The following PPP4R3B variants were observed in gnomAD, a reference collection of about 807,000 sequenced individuals.
The protein encoded by PPP4R3B is serine/threonine-protein phosphatase 4 regulatory subunit 3B.
Under a neutral mutation model 95.4 loss-of-function variants are expected in PPP4R3B, and 52 were observed. The observed-to-expected ratio is 0.54, with a 90% CI of 0.44 to 0.69. PPP4R3B has a LOEUF of 0.69. PPP4R3B is among the 30% of genes least tolerant of loss of function. The pLI, the probability that PPP4R3B is intolerant of heterozygous loss-of-function variation, is 0.00. For missense variants in PPP4R3B, 1,003 were observed against 1,005.9 expected, an observed-to-expected ratio of 1.00 and a Z score of 0.04; for synonymous variants, 407 against 343.9, an observed-to-expected ratio of 1.18 and a Z score of -2.03.
intron 16 of PPP4R3B, among the ~76,000 whole-genome samples, chr2:55,554,451 G>GACT (rs1346621417): frequency 3.3e-5 from 5 of 152,198 alleles, no homozygotes; most frequent in African/African-American, 7.2e-5. Flanking sequence ...AGCTATCCTA[G>GACT]AGGATGTGAA....
At position 55,586,752 on chromosome 2, in the gene PPP4R3B, T is replaced by G; in HGVS notation, c.1000-18A>C. The G allele has an allele frequency of 6.9e-7, 1 of 1,454,584 alleles. No individual in the cohort carries two copies. Among genetic ancestry groups the G allele is most frequent in the Non-Finnish European group, 9.6e-7 (1 of 1,044,842 alleles). The allele number at this position is 1,454,584 out of a possible 1,614,324, so 90.1% of individuals were successfully genotyped here. Reference sequence around the variant, plus strand: ...AAATTAACCTGTAATGTCAGAAATTTTAGTGAGACATTGATAAACATAAAC... The same window carrying G: ...AAATTAACCTGTAATGTCAGAAATTGTAGTGAGACATTGATAAACATAAAC... On this transcript the variant is annotated intron_variant, in intron 5 of 16. Coordinates refer to ENST00000616407, the MANE Select transcript of PPP4R3B (RefSeq NM_001122964.3).
At chr2:55,560,778 GAAAAAAAAAAAAA>G (rs545517387) in intron 15 of PPP4R3B, among the ~76,000 whole-genome samples, 3 of 91,418 alleles carry the variant, frequency 3.3e-5, no homozygotes, top group East Asian at 6.6e-4. Context: ...CTCCATCTCA[GAAAAAAAAAAAAA>G]AAAAAAAAAA....
chr2:55,591,140 T>A (rs1409568048), intron 4 of PPP4R3B, among the ~76,000 whole-genome samples: 1 of 152,030 alleles, frequency 6.6e-6, no homozygotes, highest in African/African-American at 2.4e-5. Context: ...CAAGTTAGTT[T>A]TTCCTTTTTT....
intron 5 of PPP4R3B, among the ~76,000 whole-genome samples, chr2:55,588,619 T>C (rs551048065): frequency 3.9e-5 from 6 of 152,096 alleles, no homozygotes; most frequent in Admixed American, 3.9e-4. Context: ...AAGGCACTTA[T>C]CTGATTTGGG....
chr2:55,615,255 A>G (rs2103932414), intron 2 of PPP4R3B, 196 bp downstream of exon 2: 3 of 537,676 alleles, frequency 5.6e-6, no homozygotes, highest in South Asian at 2.2e-5. Context: ...CAGTGGCTCA[A>G]TCCAAAAATG....
At chr2:55,593,818 C>T (rs1574845807) in intron 4 of PPP4R3B, among the ~76,000 whole-genome samples, 1 of 151,976 alleles carries the variant, frequency 6.6e-6, no homozygotes, top group Non-Finnish European at 1.5e-5. Flanking sequence ...ACAATTCATA[C>T]CCAAAGGAAA....
At chr2:55,555,464 A>G (rs893516144) in intron 16 of PPP4R3B, among the ~76,000 whole-genome samples, 7 of 151,976 alleles carry the variant, frequency 4.6e-5, no homozygotes, top group African/African-American at 1.7e-4. Flanking sequence ...CCTATGAAAA[A>G]GCCCTTTGGG....
intron 15 of PPP4R3B, among the ~76,000 whole-genome samples, chr2:55,560,778 GAAAAAAAAAAAAAAAAAAA>G (rs545517387): frequency 3.3e-5 from 3 of 91,418 alleles, no homozygotes; most frequent in South Asian, 5.2e-4. Flanking sequence ...CTCCATCTCA[GAAAAAAAAAAAAAAAAAAA>G]AAAAAAAAAA....
At chr2:55,580,523 T>A (rs943781242) in intron 8 of PPP4R3B, among the ~76,000 whole-genome samples, 1 of 152,188 alleles carries the variant, frequency 6.6e-6, no homozygotes, top group Non-Finnish European at 1.5e-5. Context: ...GATAGCAACT[T>A]AACTACCTAA....
Position 55,586,658 on chromosome 2 carries a change from A to C in PPP4R3B, c.1076T>G (p.Leu359Trp). ...AGCAGGAAGAATTCCCAATTTTGCCAATGTTTTGAAAAATGCATCCCTGTT... is the reference window on the plus strand; with the variant it reads ...AGCAGGAAGAATTCCCAATTTTGCCCATGTTTTGAAAAATGCATCCCTGTT... ...PQNRDAFFKT[L>W]AKLGILPALE... The change falls in exon 6 of 17, where the codon TTG becomes TGG. Residue 359 changes from leucine (L) to tryptophan (W), a missense_variant. Physicochemically the swap from Leu to Trp is moderately conservative, Grantham distance 61. Around this residue, in one of 3 missense-constraint regions of PPP4R3B, gnomAD observed 695 missense variants for 686.2 expected, o/e 1.01. Coordinates refer to ENST00000616407, the MANE Select transcript of PPP4R3B (RefSeq NM_001122964.3). 6.2e-7 allele frequency: 1 copy of C among 1,610,146 alleles called. No individual in the cohort carries two copies. The highest frequency in any genetic ancestry group is 1.1e-5 in the South Asian group (1 of 89,988).
intron 16 of PPP4R3B, among the ~76,000 whole-genome samples, chr2:55,551,048 A>C (rs1685187272): frequency 6.6e-6 from 1 of 152,176 alleles, no homozygotes; most frequent in African/African-American, 2.4e-5. Flanking sequence ...TTTTATGTAA[A>C]AAAAAACAAA....
intron 4 of PPP4R3B, among the ~76,000 whole-genome samples, chr2:55,589,239 C>G (rs1287756176): frequency 1.3e-5 from 2 of 152,212 alleles, no homozygotes; most frequent in East Asian, 3.8e-4. Context: ...TGAAAACTCA[C>G]TTAACTTAGA....
Position 55,598,519 on chromosome 2 carries a change from T to C in PPP4R3B, c.818A>G (p.Gln273Arg). ...AGATGGTGTGGGCAAAATGATGTCC[T>C]GAATGTACTGTACCCTGTAAGTCTG... ...IHQTYRVQYIQDIILPTPSVF... is the reference protein window; with the variant it reads ...IHQTYRVQYIRDIILPTPSVF... Residue 273 changes from glutamine (Q) to arginine (R), a missense_variant, in exon 4 of 17, where the codon CAG becomes CGG. By Grantham distance (43) the Gln-to-Arg change is conservative (BLOSUM62 1). Transcript: ENST00000616407. 1.2e-6 allele frequency: 2 copies of C among 1,614,200 alleles called. No individual in the cohort carries two copies. Among genetic ancestry groups the C allele is most frequent in the Non-Finnish European group, 1.7e-6 (2 of 1,180,034 alleles).
At chr2:55,603,841 A>C (rs1693010427) in intron 3 of PPP4R3B, 137 bp downstream of exon 3, 1 of 530,114 alleles carries the variant, frequency 1.9e-6, no homozygotes, top group Admixed American at 3.9e-5. Context: ...GTAGAATATA[A>C]AAAATTTCAA....
chr2:55,555,294 A>G (rs1160793801), intron 16 of PPP4R3B, among the ~76,000 whole-genome samples: 58 of 150,944 alleles, frequency 3.8e-4, no homozygotes, highest in African/African-American at 8.7e-4. Flanking sequence ...AAAAAAAAAA[A>G]AAAGAAAGAA....
In PPP4R3B at chr2:55,617,412, T is replaced by A; in HGVS notation, c.-127A>T. The A allele has an allele frequency of 8.8e-7, 1 of 1,139,096 alleles. No individual in the cohort carries two copies. The highest frequency in any genetic ancestry group is 1.2e-6 in the Non-Finnish European group (1 of 852,724). 70.6% of individuals were successfully genotyped at this position (1,139,096 alleles called of 1,614,324 possible). A position where few individuals can be genotyped will look rare whatever the true frequency, so the allele number is the denominator to read the frequency against. On this transcript the variant is annotated 5_prime_UTR_variant, in exon 1 of 17. Transcript: ENST00000616407. Reference sequence around the variant, plus strand: ...GGCGGCGGCTTCGGAGAGGCCCGAATTCACCATGGCTCCAAAGGTTCAGCC... The same window carrying A: ...GGCGGCGGCTTCGGAGAGGCCCGAAATCACCATGGCTCCAAAGGTTCAGCC...
intron 2 of PPP4R3B, among the ~76,000 whole-genome samples, chr2:55,608,924 G>A (rs1693782999): frequency 6.6e-6 from 1 of 152,094 alleles, no homozygotes; most frequent in African/African-American, 2.4e-5. Flanking sequence ...AAGGCTGCGT[G>A]AGACTTAATC....
intron 11 of PPP4R3B, 114 bp from the exon 12 acceptor site, chr2:55,573,891 T>A: frequency 1.4e-6 from 1 of 713,608 alleles, no homozygotes; most frequent in Non-Finnish European, 2.0e-6. Flanking sequence ...TCCTCCTTTT[T>A]TTTTTTTTTT....
chr2:55,581,377 C>T (rs1431055990), intron 8 of PPP4R3B, among the ~76,000 whole-genome samples, 190 bp downstream of exon 8: 1 of 152,122 alleles, frequency 6.6e-6, no homozygotes, highest in African/African-American at 2.4e-5. Flanking sequence ...AATGGAATTC[C>T]TAACATTTTA....
Sources: allele counts gnomAD v4.1 joint callset (sites outside exome capture counted in the v4.1 genomes callset), GRCh38; gene constraint gnomAD v4.1.1; regional missense constraint gnomAD v4.1.1; transcripts MANE v1.5; gene names NCBI Gene and HGNC (gene_info 2026-07-23, HGNC 2026-07-21).